The following TMLHE variants were observed in gnomAD, a reference collection of about 807,000 sequenced individuals.
TMLHE encodes trimethyllysine hydroxylase, epsilon.
In TMLHE, 18 loss-of-function variants were observed where a neutral mutation model predicts 25.7. That is an observed-to-expected ratio of 0.70 (90% CI 0.48 to 1.04). The LOEUF (loss-of-function observed/expected upper bound fraction) is 1.04, where lower values mean the gene tolerates loss of function less well. Ranked by LOEUF, TMLHE falls within the 50% of genes least tolerant of loss-of-function variation. TMLHE has a pLI of 0.00. For synonymous variants in TMLHE, 105 were observed against 97.0 expected (o/e 1.08, Z -0.49); for missense variants, 236 against 259.0 (o/e 0.91, Z 0.61).
intron 5 of TMLHE, among the ~76,000 whole-genome samples, chrX:155,509,992 C>T (rs1370698034): frequency 1.8e-5 from 2 of 111,298 alleles, no homozygotes; most frequent in East Asian, 5.7e-4. Context: ...TCCTCCTCTC[C>T]AACTTCTTGT....
chrX:155,593,914 A>T (rs1251662619), intron 1 of TMLHE, among the ~76,000 whole-genome samples: 1 of 111,354 alleles, frequency 9.0e-6, no homozygotes, highest in African/African-American at 3.3e-5. Flanking sequence ...AAGAAAAAAG[A>T]ATGCAGAAAG....
intron 1 of TMLHE, among the ~76,000 whole-genome samples, chrX:155,595,786 A>C (rs1467239974): frequency 8.9e-6 from 1 of 112,028 alleles, no homozygotes. Context: ...AACTGAAGTG[A>C]TTATATGACA....
chrX:155,505,641 C>G (rs1489149196), intron 6 of TMLHE, among the ~76,000 whole-genome samples: 2 of 111,443 alleles, frequency 1.8e-5, no homozygotes, highest in African/African-American at 6.5e-5. Context: ...CACCCTGCCT[C>G]TTCACCCCAT....
At chrX:155,611,691 T>C (rs986724703) in intron 1 of TMLHE, 2 of 111,730 alleles carry the variant, frequency 1.8e-5, no homozygotes, top group African/African-American at 6.5e-5. Flanking sequence ...ATAACCTTAC[T>C]TAACGTCTTC....
intron 1 of TMLHE, among the ~76,000 whole-genome samples, chrX:155,583,242 A>G: frequency 8.9e-6 from 1 of 111,865 alleles, no homozygotes; most frequent in Middle Eastern, 4.6e-3. Flanking sequence ...TAATGGGCGC[A>G]GCACACCAAC....
chrX:155,575,482 T>A (rs1443105776), intron 1 of TMLHE, among the ~76,000 whole-genome samples: 1 of 111,037 alleles, frequency 9.0e-6, no homozygotes, highest in Non-Finnish European at 1.9e-5. Flanking sequence ...TGATGAAAAA[T>A]ATTAATCTAC....
intron 1 of TMLHE, among the ~76,000 whole-genome samples, chrX:155,573,257 G>T (rs782605757): frequency 1.7e-5 from 1 of 58,186 alleles, no homozygotes; most frequent in South Asian, 9.7e-4. Context: ...AGCCATCAGA[G>T]AAATGCAAAT....
rs1200472827 is a variant in TMLHE at position 155,562,838 on chromosome X, G to A, written c.-1-17561C>T. Among the ~76,000 whole-genome samples the A allele has an allele frequency of 1.3e-4, 8 of 62,014 alleles. 1 individual carries two copies. Among genetic ancestry groups the A allele is most frequent in the African/African-American group, 2.9e-4 (8 of 27,946 alleles). The allele number at this position is 62,014 out of a possible 115,157, so 53.9% of individuals were successfully genotyped here. A position where few individuals can be genotyped will look rare whatever the true frequency, so the allele number is the denominator to read the frequency against. The stretch of plus-strand genomic sequence containing the variant: ...AAAGTTCCACAGATCTCTAGGGCAG[G>A]AGCACAATGCTGCCAGTCTCTTTGC... On this transcript the variant is annotated intron_variant, in intron 1 of 7. Coordinates refer to ENST00000334398, the MANE Select transcript of TMLHE (RefSeq NM_018196.4).
At chrX:155,510,432 A>T (rs1314388132) in intron 5 of TMLHE, among the ~76,000 whole-genome samples, 1 of 76,653 alleles carries the variant, frequency 1.3e-5, no homozygotes, top group Non-Finnish European at 2.3e-5. Context: ...CCAGAGTGTG[A>T]TGTTCCCCTT....
At position 155,562,726 on chromosome X, in the gene TMLHE, T is replaced by C. The variant is rs1557341936; in HGVS notation, c.-1-17449A>G. Among the ~76,000 whole-genome samples the C allele has an allele frequency of 8.0e-5, 5 of 62,299 alleles. 2 individuals carry two copies. The East Asian group carries it at 3.5e-3, about 44-fold the overall frequency. The allele number at this position is 62,299 out of a possible 115,157, so 54.1% of individuals were successfully genotyped here. A position where few individuals can be genotyped will look rare whatever the true frequency, so the allele number is the denominator to read the frequency against. The stretch of plus-strand genomic sequence containing the variant: ...CACCCAGGTGCATATAACACTATGC[T>C]GTTAGGAACAGCCAGGTTACTTCTT... On this transcript the variant is annotated intron_variant, in intron 1 of 7. Transcript: ENST00000334398.
chrX:155,514,989 G>A (rs1298905899), intron 3 of TMLHE, among the ~76,000 whole-genome samples: 3 of 111,406 alleles, frequency 2.7e-5, no homozygotes, highest in Non-Finnish European at 3.8e-5. Context: ...AGACTATGTT[G>A]ACAACTTGTC....
intron 1 of TMLHE, among the ~76,000 whole-genome samples, chrX:155,609,699 C>T (rs1681276025): frequency 8.9e-6 from 1 of 111,773 alleles, no homozygotes; most frequent in South Asian, 3.8e-4. Flanking sequence ...AGCAAACAAC[C>T]TAATCAGAAA....
At chrX:155,576,069 C>A (rs1359527444) in intron 1 of TMLHE, among the ~76,000 whole-genome samples, 1 of 111,448 alleles carries the variant, frequency 9.0e-6, no homozygotes, top group Non-Finnish European at 1.9e-5. Flanking sequence ...TCTCTGTTTG[C>A]AGATTATATA....
chrX:155,514,338 G>C, intron 3 of TMLHE, 73 bp from the exon 4 acceptor site: 1 of 1,042,651 alleles, frequency 9.6e-7, no homozygotes, highest in Admixed American at 2.9e-5. Context: ...GTTACAACTA[G>C]TTAAGAATCT....
At chrX:155,536,760 G>C (rs1177831995) in intron 2 of TMLHE, among the ~76,000 whole-genome samples, 1 of 111,771 alleles carries the variant, frequency 8.9e-6, no homozygotes, top group Non-Finnish European at 1.9e-5. Context: ...ATTTACATTT[G>C]TGTCTGGCAT....
intron 2 of TMLHE, among the ~76,000 whole-genome samples, chrX:155,529,075 T>C (rs1004259818): frequency 8.9e-6 from 1 of 112,242 alleles, no homozygotes; most frequent in Non-Finnish European, 1.9e-5. Context: ...ACATTCACTT[T>C]CATTGGTATT....
rs782264501 is a variant in TMLHE, at chrX:155,612,937, GC to G, written c.-148del. The G allele has an allele frequency of 6.2e-5, 7 of 112,321 alleles. No homozygotes were observed. Among genetic ancestry groups the G allele is most frequent in the African/African-American group, 1.9e-4 (6 of 30,985 alleles). The allele number at this position is 112,321 out of a possible 1,213,427, so 9.3% of individuals were successfully genotyped here. A position where few individuals can be genotyped will look rare whatever the true frequency, so the allele number is the denominator to read the frequency against. ...CGCTCCCCTCCCCCAGCCCGCTCGG[GC>G]CCAGCGGAGAGCCTGTAGGCCCCGC... is the stretch of plus-strand genomic sequence containing the variant. On this transcript the variant is annotated 5_prime_UTR_variant, in exon 1 of 8. Coordinates refer to ENST00000334398, the MANE Select transcript of TMLHE (RefSeq NM_018196.4).
intron 1 of TMLHE, among the ~76,000 whole-genome samples, chrX:155,558,193 T>TAAATGTTAGACCTGAA (rs2067471605): frequency 8.9e-6 from 1 of 111,925 alleles, no homozygotes; most frequent in African/African-American, 3.2e-5. Context: ...ACCCCAGATT[T>TAAATGTTAGACCTGAA]ACCATGTTCT....
chrX:155,603,244 C>T (rs782191617), intron 1 of TMLHE, among the ~76,000 whole-genome samples: 3 of 110,796 alleles, frequency 2.7e-5, no homozygotes, highest in African/African-American at 6.6e-5. Context: ...GTGGGAGGAT[C>T]GTTTGAGCCT....
Sources: allele counts gnomAD v4.1 joint callset (sites outside exome capture counted in the v4.1 genomes callset), GRCh38; gene constraint gnomAD v4.1.1; transcripts MANE v1.5; gene names NCBI Gene and HGNC (gene_info 2026-07-23, HGNC 2026-07-21).